LARGE1: variants seen among roughly 807,000 people sequenced by gnomAD.
The protein encoded by LARGE1 is LARGE xylosyl- and glucuronyltransferase 1, also known as xylosyl- and glucuronyltransferase LARGE1.
Under a neutral mutation model 87.6 loss-of-function variants are expected in LARGE1, and 43 were observed. The observed-to-expected ratio is 0.49, with a 90% CI of 0.38 to 0.63. The LOEUF is 0.63. LARGE1 is among the 30% of genes least tolerant of loss of function. The pLI is 0.00. For synonymous variants in LARGE1, 434 were observed against 394.6 expected, an observed-to-expected ratio of 1.10 and a Z score of -1.18; for missense variants, 802 against 1,000.2, an observed-to-expected ratio of 0.80 and a Z score of 2.67.
chr22:33,851,492 T>C (rs911060449), intron 1 of LARGE1, among the ~76,000 whole-genome samples: 2 of 152,230 alleles, frequency 1.3e-5, no homozygotes, highest in Non-Finnish European at 2.9e-5. Context: ...TTCAATACCA[T>C]TCAGCTGTAA....
At chr22:33,807,990 G>C (rs561056238) in intron 1 of LARGE1, among the ~76,000 whole-genome samples, 31 of 152,320 alleles carry the variant, frequency 2.0e-4, no homozygotes, top group African/African-American at 6.7e-4. Flanking sequence ...CTGTGTGGAC[G>C]TAAGTTTTCA....
chr22:33,813,366 C>A (rs947548708), intron 1 of LARGE1, among the ~76,000 whole-genome samples: 1 of 152,054 alleles, frequency 6.6e-6, no homozygotes, highest in Non-Finnish European at 1.5e-5. Context: ...ATTGTATGCT[C>A]TTTTGTTCAT....
At chr22:33,205,636 A>G (rs1392803516) in intron 11 of LARGE1, among the ~76,000 whole-genome samples, 1 of 152,228 alleles carries the variant, frequency 6.6e-6, no homozygotes, top group Non-Finnish European at 1.5e-5. Flanking sequence ...CTCAACAGAA[A>G]GACCAAAGAA....
intron 10 of LARGE1, among the ~76,000 whole-genome samples, chr22:33,317,588 G>A (rs1199368925): frequency 6.6e-6 from 1 of 152,176 alleles, no homozygotes; most frequent in African/African-American, 2.4e-5. Context: ...CTTGTGAAAA[G>A]AGCAGGCACA....
intron 11 of LARGE1, among the ~76,000 whole-genome samples, chr22:33,170,287 T>C (rs1393873043): frequency 6.6e-6 from 1 of 152,098 alleles, no homozygotes; most frequent in African/African-American, 2.4e-5. Flanking sequence ...GAGAATCGCT[T>C]GAACCCAGGA....
At chr22:33,296,923 C>G (rs567753686) in intron 12 of LARGE1, among the ~76,000 whole-genome samples, 1 of 152,146 alleles carries the variant, frequency 6.6e-6, no homozygotes, top group African/African-American at 2.4e-5. Flanking sequence ...TTAGCCTGAA[C>G]GTCCTCATTT....
At chr22:33,476,423 C>T (rs549892322) in intron 6 of LARGE1, among the ~76,000 whole-genome samples, 4 of 152,198 alleles carry the variant, frequency 2.6e-5, no homozygotes, top group East Asian at 3.9e-4. Flanking sequence ...CCTACTACTT[C>T]GACTTGTCCC....
chr22:33,889,678 T>C (rs936280321), intron 1 of LARGE1, among the ~76,000 whole-genome samples: 3 of 152,070 alleles, frequency 2.0e-5, no homozygotes, highest in African/African-American at 7.2e-5. Flanking sequence ...ACAAAGGAGA[T>C]GCAAGCAATA....
intron 5 of LARGE1, among the ~76,000 whole-genome samples, chr22:33,589,149 C>G (rs769647497): frequency 2.0e-5 from 3 of 152,188 alleles, no homozygotes; most frequent in Non-Finnish European, 4.4e-5. Flanking sequence ...CTAGGGCCCA[C>G]GGCTAGGCTG....
intron 9 of LARGE1, among the ~76,000 whole-genome samples, chr22:33,358,761 T>C (rs1034351915): frequency 5.9e-5 from 9 of 151,708 alleles, no homozygotes; most frequent in Admixed American, 3.9e-4. Context: ...CCGAGCCGGG[T>C]GGATCATGAG....
At chr22:33,555,469 T>C (rs139329110) in intron 6 of LARGE1, among the ~76,000 whole-genome samples, 1 of 151,924 alleles carries the variant, frequency 6.6e-6, no homozygotes, top group Non-Finnish European at 1.5e-5. Flanking sequence ...TAGGATTCAA[T>C]GGGACAGTCA....
At chr22:33,286,845 T>C (rs1931634923) in intron 12 of LARGE1, among the ~76,000 whole-genome samples, 1 of 152,214 alleles carries the variant, frequency 6.6e-6, no homozygotes, top group African/African-American at 2.4e-5. Context: ...TAGAGATTAA[T>C]TCCTGCTAGA....
chr22:33,580,248 T>C (rs764795113), intron 5 of LARGE1, among the ~76,000 whole-genome samples: 1 of 151,850 alleles, frequency 6.6e-6, no homozygotes, highest in African/African-American at 2.4e-5. Flanking sequence ...TGCATGCCTG[T>C]AATCCCAGTT....
the LARGE1 span, among the ~76,000 whole-genome samples, chr22:33,115,600 G>A: frequency 2.6e-5 from 4 of 152,084 alleles, no homozygotes; most frequent in East Asian, 3.9e-4. Flanking sequence ...GGGGAATCAC[G>A]AAGTCAGGAG....
At chr22:33,486,778 T>A (rs1480814360) in intron 6 of LARGE1, among the ~76,000 whole-genome samples, 1 of 152,212 alleles carries the variant, frequency 6.6e-6, no homozygotes, top group Non-Finnish European at 1.5e-5. Flanking sequence ...GCTTTCTCCA[T>A]GTCCCTCTGA....
intron 11 of LARGE1, among the ~76,000 whole-genome samples, chr22:33,234,653 T>G (rs577280324): frequency 2.0e-5 from 3 of 152,304 alleles, no homozygotes; most frequent in Admixed American, 2.0e-4. Context: ...GCAATTCTCC[T>G]GCCTCAGCCT....
chr22:33,656,999 GA>G (rs2080978319), intron 2 of LARGE1: 1 of 152,224 alleles, frequency 6.6e-6, no homozygotes, highest in African/African-American at 2.4e-5. Context: ...CAATCAATCT[GA>G]ATGTGCTGAG....
At chr22:33,260,199 C>T (rs528852339) in intron 11 of LARGE1, among the ~76,000 whole-genome samples, 1 of 152,364 alleles carries the variant, frequency 6.6e-6, no homozygotes, top group African/African-American at 2.4e-5. Context: ...ACCCCCCTGC[C>T]TCCTGACCCA....
chr22:33,770,214 G>C (rs536705816), intron 1 of LARGE1, among the ~76,000 whole-genome samples: 3 of 152,330 alleles, frequency 2.0e-5, no homozygotes, highest in African/African-American at 7.2e-5. Flanking sequence ...TTACAAGTTA[G>C]TGTTGATATT....
Sources: allele counts gnomAD v4.1 joint callset (sites outside exome capture counted in the v4.1 genomes callset), GRCh38; gene constraint gnomAD v4.1.1; transcripts MANE v1.5; gene names NCBI Gene and HGNC (gene_info 2026-07-23, HGNC 2026-07-21).